GNL2: variants seen among roughly 807,000 people sequenced by gnomAD.
GNL2 encodes the protein nucleolar GTP-binding protein 2.
Under a neutral mutation model 92.3 loss-of-function variants are expected in GNL2, and 51 were observed. The observed-to-expected ratio is 0.55, with a 90% CI of 0.44 to 0.70. The LOEUF (loss-of-function observed/expected upper bound fraction) is 0.70. Ranked by LOEUF, GNL2 falls within the 30% of genes least tolerant of loss-of-function variation. The probability of loss-of-function intolerance (pLI) is 0.00; values close to 1 mark genes in which losing one functional copy is unlikely to be tolerated. For synonymous variants in GNL2, 283 were observed against 300.6 expected, an observed-to-expected ratio of 0.94 and a Z score of 0.61; for missense variants, 844 against 895.6, an observed-to-expected ratio of 0.94 and a Z score of 0.74.
Position 37,583,837 on chromosome 1 carries a change from A to G in GNL2, c.636+30T>C, listed in dbSNP as rs185934680. The G allele has an allele frequency of 2.0e-5, 26 of 1,272,568 alleles. No homozygotes were observed. The Admixed American group carries it at 4.0e-4, about 19-fold the overall frequency. The allele number at this position is 1,272,568 out of a possible 1,614,324, so 78.8% of individuals were successfully genotyped here. On this transcript the variant is annotated intron_variant, in intron 6 of 15. Transcript: ENST00000373062. ...CAAAATCATGAAAGCCCAAGGAACC[A>G]CTCAATGGGAGAGAATTTAGGAGTC...
At chr1:37,567,584 T>G in intron 15 of GNL2, 89 bp downstream of exon 15, 1 of 916,686 alleles carries the variant, frequency 1.1e-6, no homozygotes, top group South Asian at 1.4e-5. Context: ...TTCTTGGGAT[T>G]CAGCTCTGGA....
intron 7 of GNL2, 21 bp from the exon 8 acceptor site, chr1:37,582,357 A>G (rs1185932231): frequency 9.9e-6 from 15 of 1,513,148 alleles, no homozygotes; most frequent in Non-Finnish European, 1.4e-5. Context: ...AGATGAAAAC[A>G]TTTTGGTAAA....
chr1:37,593,978 T>C, intron 1 of GNL2, 132 bp from the exon 2 acceptor site: 1 of 607,368 alleles, frequency 1.6e-6, no homozygotes, highest in Non-Finnish European at 2.9e-6. Flanking sequence ...ATCTCTACTT[T>C]CTCCATATGT....
At chr1:37,591,504 C>CTTTT (rs34721968) in intron 3 of GNL2, among the ~76,000 whole-genome samples, 2 of 135,030 alleles carry the variant, frequency 1.5e-5, no homozygotes, top group African/African-American at 2.8e-5. Context: ...TATATTTACT[C>CTTTT]TTTTTTTTTT....
chr1:37,576,923 C>T (rs1643687336), intron 8 of GNL2, among the ~76,000 whole-genome samples: 1 of 152,032 alleles, frequency 6.6e-6, no homozygotes. Context: ...ACCAGCCTGG[C>T]CAACATGATG....
At chr1:37,581,545 G>A in intron 8 of GNL2, 1 of 456,080 alleles carries the variant, frequency 2.2e-6, no homozygotes, top group South Asian at 1.5e-5. Flanking sequence ...AGGTGCCAGG[G>A]CTGTGGCAGA....
At chr1:37,586,440 C>T (rs1431986434) in intron 5 of GNL2, among the ~76,000 whole-genome samples, 3 of 152,024 alleles carry the variant, frequency 2.0e-5, no homozygotes, top group Non-Finnish European at 4.4e-5. Flanking sequence ...AGTATGGATC[C>T]CTACGAGAAT....
At chr1:37,582,385 A>G in intron 7 of GNL2, 49 bp from the exon 8 acceptor site, 2 of 1,079,946 alleles carry the variant, frequency 1.9e-6, no homozygotes, top group Non-Finnish European at 2.8e-6. Context: ...ACATTTATTT[A>G]CATTATGTGG....
chr1:37,582,320 A>G lies in GNL2; in HGVS notation c.812T>C (p.Val271Ala), dbSNP rs779636373. 6.2e-7 allele frequency: 1 copy of G among 1,609,084 alleles called. No individual in the cohort carries two copies. Among genetic ancestry groups the G allele is most frequent in the Non-Finnish European group, 8.5e-7 (1 of 1,177,364 alleles). ...AAGTGTTGGATAATCCTGGGAGAGGACAGCAACCCACCGTTTCTAGAAGGA... is the reference window on the plus strand; with the variant it reads ...AAGTGTTGGATAATCCTGGGAGAGGGCAGCAACCCACCGTTTCTAGAAGGA... The part of the protein sequence containing the change: ...PTWATKRWVA[V>A]LSQDYPTLAF... Residue 271 changes from valine to alanine, a missense_variant, in exon 8 of 16, where the codon GTC becomes GCC. Transcript: ENST00000373062.
chr1:37,574,998 G>A lies in GNL2; in HGVS notation c.1144-175C>T, dbSNP rs372801149. 4.6e-5 allele frequency among the ~76,000 whole-genome samples: 7 copies of A among 152,304 alleles called. No individual in the cohort carries two copies. The East Asian group carries it at 1.4e-3, about 29-fold the overall frequency. ...ATGGTCAGCTGCAAGGAGCACTGCT[G>A]AAAGCTGACCATAGCCACGGAGCCC... On this transcript the variant is annotated intron_variant, in intron 10 of 15. Transcript: ENST00000373062.
At chr1:37,574,498 CA>C (rs1643645881) in intron 11 of GNL2, 42 bp from the exon 12 acceptor site, 4 of 1,533,676 alleles carry the variant, frequency 2.6e-6, no homozygotes, top group Non-Finnish European at 3.6e-6. Context: ...TTCAAAGGAC[CA>C]AAACCACCTA....
chr1:37,587,842 G>A (rs927326754), intron 4 of GNL2, among the ~76,000 whole-genome samples: 9 of 152,172 alleles, frequency 5.9e-5, no homozygotes, highest in African/African-American at 2.2e-4. Context: ...CTACAGTGGT[G>A]AAAATTAATC....
At chr1:37,577,477 T>C (rs1643697530) in intron 8 of GNL2, among the ~76,000 whole-genome samples, 1 of 152,078 alleles carries the variant, frequency 6.6e-6, no homozygotes, top group Admixed American at 6.5e-5. Context: ...CAGTGGACAT[T>C]AACACTTTTA....
At chr1:37,576,074 C>A (rs928063812) in intron 9 of GNL2, 3 of 307,568 alleles carry the variant, frequency 9.8e-6, no homozygotes, top group African/African-American at 4.4e-5. Context: ...AGGATATGAC[C>A]CCCAACTTTC....
chr1:37,576,363 C>A, intron 9 of GNL2, 65 bp downstream of exon 9: 1 of 1,442,926 alleles, frequency 6.9e-7, no homozygotes, highest in South Asian at 1.3e-5. Flanking sequence ...ATCAACAAGT[C>A]CTAAACAATC....
At chr1:37,571,913 T>A (rs1487127399) in intron 12 of GNL2, among the ~76,000 whole-genome samples, 5 of 152,020 alleles carry the variant, frequency 3.3e-5, no homozygotes, top group Non-Finnish European at 7.4e-5. Flanking sequence ...AAACCTCCAA[T>A]GGCTTCCCAC....
chr1:37,594,544 T>C (rs147108577), intron 1 of GNL2, among the ~76,000 whole-genome samples: 2 of 152,282 alleles, frequency 1.3e-5, no homozygotes, highest in East Asian at 3.9e-4. Context: ...TTATTCATTA[T>C]TATTATCTTT....
At chr1:37,580,698 G>A (rs535940675) in intron 8 of GNL2, among the ~76,000 whole-genome samples, 10 of 152,338 alleles carry the variant, frequency 6.6e-5, no homozygotes, top group East Asian at 1.9e-4. Flanking sequence ...GCTGGCCACC[G>A]AAGGGAACTA....
Position 37,574,327 on chromosome 1 carries a change from C to A in GNL2, c.1416+16G>T. 1 of 1,572,524 alleles carries A rather than the reference C, an allele frequency of 6.4e-7. No individual in the cohort carries two copies. Among genetic ancestry groups the A allele is most frequent in the Non-Finnish European group, 8.7e-7 (1 of 1,143,842 alleles). ...AGGACCCATGCTCCCCAGAGGTGGGCCCACCCTGCTCTTACCTGGGGGGCC... is the reference window on the plus strand; with the variant it reads ...AGGACCCATGCTCCCCAGAGGTGGGACCACCCTGCTCTTACCTGGGGGGCC... On this transcript the variant is annotated intron_variant, in intron 12 of 15. Transcript: ENST00000373062.
Sources: allele counts gnomAD v4.1 joint callset (sites outside exome capture counted in the v4.1 genomes callset), GRCh38; gene constraint gnomAD v4.1.1; transcripts MANE v1.5; gene names NCBI Gene and HGNC (gene_info 2026-07-23, HGNC 2026-07-21).